The following EDEM3 variants were observed in gnomAD, a reference collection of about 807,000 sequenced individuals.
EDEM3 encodes ER degradation enhancing alpha-mannosidase like protein 3, also known as ER degradation-enhancing alpha-mannosidase-like protein 3.
EDEM3 carries 60 observed loss-of-function variants against 110.2 expected under a neutral mutation model. That is an observed-to-expected ratio of 0.54 (90% CI 0.44 to 0.67). The LOEUF (loss-of-function observed/expected upper bound fraction) is 0.67, where lower values mean the gene tolerates loss of function less well. EDEM3 is among the 30% of genes least tolerant of loss of function. The pLI is 0.00. For missense variants in EDEM3, 996 were observed against 1,121.0 expected (o/e 0.89, Z 1.59); for synonymous variants, 352 against 382.9 (o/e 0.92, Z 0.94).
At chr1:184,736,354 A>C (rs1651823741) in intron 4 of EDEM3, among the ~76,000 whole-genome samples, 1 of 152,174 alleles carries the variant, frequency 6.6e-6, no homozygotes, top group Non-Finnish European at 1.5e-5. Flanking sequence ...TGTTTTTTAA[A>C]TATTAATCAC....
chr1:184,701,686 G>T, intron 19 of EDEM3: 1 of 426,286 alleles, frequency 2.3e-6, no homozygotes, highest in Non-Finnish European at 3.9e-6. Flanking sequence ...AAAGGGCCCA[G>T]GAAAAAAAAA....
At chr1:184,725,541 ACAAAGT>A (rs1651145343) in intron 7 of EDEM3, among the ~76,000 whole-genome samples, 1 of 152,030 alleles carries the variant, frequency 6.6e-6, no homozygotes, top group South Asian at 2.1e-4. Flanking sequence ...ATACATACAT[ACAAAGT>A]CAATTTGTTT....
At chr1:184,712,242 T>A in intron 14 of EDEM3, among the ~76,000 whole-genome samples, 191 bp downstream of exon 14, 1 of 152,168 alleles carries the variant, frequency 6.6e-6, no homozygotes, top group South Asian at 2.1e-4. Flanking sequence ...ACATAATTTT[T>A]AAAAGGAAAC....
intron 9 of EDEM3, among the ~76,000 whole-genome samples, chr1:184,720,267 T>C (rs1339943719): frequency 6.7e-6 from 1 of 149,580 alleles, no homozygotes; most frequent in Non-Finnish European, 1.5e-5. Context: ...TAACTTTTAC[T>C]AATTTTTTTT....
chr1:184,740,803 A>G (rs1171813551), intron 2 of EDEM3, among the ~76,000 whole-genome samples: 1 of 152,254 alleles, frequency 6.6e-6, no homozygotes, highest in African/African-American at 2.4e-5. Context: ...GCAGCCACAG[A>G]AACTTAATAA....
chr1:184,728,887 T>G (rs1168429381), intron 6 of EDEM3, among the ~76,000 whole-genome samples: 1 of 152,072 alleles, frequency 6.6e-6, no homozygotes, highest in Non-Finnish European at 1.5e-5. Flanking sequence ...GGATTTCAAG[T>G]GTGAGCCACT....
intron 14 of EDEM3, among the ~76,000 whole-genome samples, chr1:184,712,216 G>A (rs1439109714): frequency 1.3e-5 from 2 of 151,900 alleles, no homozygotes; most frequent in African/African-American, 4.8e-5. Context: ...ATGAGCCACC[G>A]CACCTGGCCT....
At chr1:184,695,150 T>C (rs1649262769) in intron 19 of EDEM3, among the ~76,000 whole-genome samples, 2 of 152,028 alleles carry the variant, frequency 1.3e-5, no homozygotes, top group Non-Finnish European at 1.5e-5. Context: ...GTGAAACCAG[T>C]AGAGGCATTT....
intron 19 of EDEM3, 115 bp downstream of exon 19, chr1:184,702,696 T>C: frequency 3.1e-6 from 2 of 639,400 alleles, no homozygotes; most frequent in Admixed American, 4.1e-5. Context: ...TCTAAAAGTT[T>C]TACTTGTTTT....
In EDEM3 at chr1:184,719,122, T is replaced by G. The variant is rs536288903; in HGVS notation, c.1161+40A>C. ...TGTGTACGTGTGTGTGTGTGTGTGT[T>G]TGTGTGTGTGTAAGATTATTCCAAA... On this transcript the variant is annotated intron_variant, in intron 11 of 19. Coordinates refer to ENST00000318130, the MANE Select transcript of EDEM3 (RefSeq NM_025191.4). 144 of 1,145,892 alleles carry G rather than the reference T, an allele frequency of 1.3e-4. 1 individual carries two copies. In the East Asian group the frequency reaches 2.1e-3, roughly 17 times the overall value. The allele number at this position is 1,145,892 out of a possible 1,614,324, so 71.0% of individuals were successfully genotyped here.
intron 6 of EDEM3, among the ~76,000 whole-genome samples, chr1:184,731,128 A>C (rs1651489277): frequency 6.6e-6 from 1 of 152,222 alleles, no homozygotes; most frequent in African/African-American, 2.4e-5. Context: ...AGAATAAGAC[A>C]GGCATAAGAA....
chr1:184,739,862 T>C (rs975949067), intron 2 of EDEM3, among the ~76,000 whole-genome samples: 5 of 151,890 alleles, frequency 3.3e-5, no homozygotes, highest in African/African-American at 1.2e-4. Context: ...AACGGTGGAG[T>C]ATAGAAGATA....
At chr1:184,717,647 G>C in intron 11 of EDEM3, 24 bp from the exon 12 acceptor site, 2 of 1,559,628 alleles carry the variant, frequency 1.3e-6, no homozygotes, top group Admixed American at 2.0e-5. Context: ...CATACAAAAG[G>C]CATAAAAAAT....
At chr1:184,702,749 T>A in intron 19 of EDEM3, 62 bp downstream of exon 19, 2 of 1,328,270 alleles carry the variant, frequency 1.5e-6, no homozygotes, top group Non-Finnish European at 2.0e-6. Context: ...CTCATTCTTG[T>A]TATCAAACTA....
At chr1:184,700,518 A>T (rs906911855) in intron 19 of EDEM3, among the ~76,000 whole-genome samples, 51 of 151,980 alleles carry the variant, frequency 3.4e-4, no homozygotes, top group African/African-American at 1.2e-3. Flanking sequence ...CTTGTTCAAT[A>T]TTTCTCAAAG....
At chr1:184,748,453 AAAAAAAC>A (rs1395395164) in intron 2 of EDEM3, among the ~76,000 whole-genome samples, 7 of 152,174 alleles carry the variant, frequency 4.6e-5, no homozygotes, top group African/African-American at 9.6e-5. Flanking sequence ...CGTCTCAAAA[AAAAAAAC>A]AAAAAACAAA....
At chr1:184,727,220 G>A (rs1651239850) in intron 6 of EDEM3, among the ~76,000 whole-genome samples, 2 of 152,192 alleles carry the variant, frequency 1.3e-5, no homozygotes, top group Admixed American at 1.3e-4. Context: ...AACTTGGGAG[G>A]TGGAGGTTGC....
intron 1 of EDEM3, among the ~76,000 whole-genome samples, chr1:184,750,337 C>T (rs1652687658): frequency 6.6e-6 from 1 of 152,088 alleles, no homozygotes; most frequent in African/African-American, 2.4e-5. Context: ...GATCACTACA[C>T]CAGAATTTTA....
In EDEM3 at chr1:184,754,835, C is replaced by G; in HGVS notation, c.-189G>C. 2.1e-6 allele frequency: 2 copies of G among 932,872 alleles called. No individual in the cohort carries two copies. The highest frequency in any genetic ancestry group is 3.0e-6 in the Non-Finnish European group (2 of 663,278). 57.8% of individuals were successfully genotyped at this position (932,872 alleles called of 1,614,324 possible). The stretch of plus-strand genomic sequence containing the variant: ...TCCCCAGCGCCAGCGCTGCCACCGC[C>G]CTCCGCCCTCAGTATCCCGGAGCGC... On this transcript the variant is annotated 5_prime_UTR_variant, in exon 1 of 20. Coordinates refer to ENST00000318130, the MANE Select transcript of EDEM3 (RefSeq NM_025191.4).
Sources: allele counts gnomAD v4.1 joint callset (sites outside exome capture counted in the v4.1 genomes callset), GRCh38; gene constraint gnomAD v4.1.1; transcripts MANE v1.5; gene names NCBI Gene and HGNC (gene_info 2026-07-23, HGNC 2026-07-21).